The following KALRN variants were observed in gnomAD, a reference collection of about 807,000 sequenced individuals.
KALRN encodes kalirin.
A neutral mutation model predicts 353.7 loss-of-function variants in KALRN; 70 were observed. The observed-to-expected ratio is 0.20, with a 90% confidence interval of 0.16 to 0.24. The LOEUF (loss-of-function observed/expected upper bound fraction) is 0.24. KALRN is among the 10% of genes least tolerant of loss of function. KALRN has a pLI of 1.00. For synonymous variants in KALRN, 1,391 were observed against 1,434.8 expected, an observed-to-expected ratio of 0.97 and a Z score of 0.69; for missense variants, 2,791 against 3,756.7, an observed-to-expected ratio of 0.74 and a Z score of 6.72.
rs915036326 is a variant in KALRN at position 124,514,296 on chromosome 3, C to G, written c.4935+17883C>G. The stretch of plus-strand genomic sequence containing the variant: ...AAAGTCCCTGCCAAGGACAGAATCC[C>G]CCACCCCATCTAATGGAAGAGATAC... On this transcript the variant is annotated intron_variant, in intron 33 of 59. Transcript: ENST00000682506. Among the ~76,000 whole-genome samples, 3 of 152,194 alleles carry G rather than the reference C, an allele frequency of 2.0e-5. No individual in the cohort carries two copies. In the East Asian group the frequency reaches 5.8e-4, roughly 29 times the overall value.
At chr3:124,227,421 A>G (rs1002844613) in intron 1 of KALRN, among the ~76,000 whole-genome samples, 4 of 152,160 alleles carry the variant, frequency 2.6e-5, no homozygotes, top group African/African-American at 2.4e-5. Context: ...CTTTGCTTCC[A>G]TCTGTAGGAG....
intron 1 of KALRN, among the ~76,000 whole-genome samples, chr3:124,150,949 A>C (rs2068016109): frequency 6.6e-6 from 1 of 152,220 alleles, no homozygotes; most frequent in African/African-American, 2.4e-5. Context: ...AACTTGGTAT[A>C]TGTAGAATCC....
At chr3:124,409,524 A>C (rs1183512810) in intron 13 of KALRN, among the ~76,000 whole-genome samples, 1 of 152,164 alleles carries the variant, frequency 6.6e-6, no homozygotes, top group Non-Finnish European at 1.5e-5. Context: ...ATTGGGAGGA[A>C]GGACAAGGGC....
chr3:124,505,831 T>C lies in KALRN; in HGVS notation c.4935+9418T>C, dbSNP rs534646748. Reference sequence around the variant, plus strand: ...CATCTGTGGCCATAACATAGAATTCTTGGAAAGATCTTGTTGACCAGACAA... The same window carrying C: ...CATCTGTGGCCATAACATAGAATTCCTGGAAAGATCTTGTTGACCAGACAA... On this transcript the variant is annotated intron_variant, in intron 33 of 59. Coordinates refer to ENST00000682506, the MANE Select transcript of KALRN (RefSeq NM_001388419.1). 8.4e-4 allele frequency among the ~76,000 whole-genome samples: 128 copies of C among 152,338 alleles called. 1 individual carries two copies. The highest frequency in any genetic ancestry group is 2.9e-3 in the African/African-American group (122 of 41,574).
chr3:124,196,398 C>T (rs979927145), intron 1 of KALRN, among the ~76,000 whole-genome samples: 1 of 152,104 alleles, frequency 6.6e-6, no homozygotes, highest in African/African-American at 2.4e-5. Flanking sequence ...GGCTCAGATC[C>T]TGGATCACAG....
chr3:124,406,737 G>A (rs777912451), intron 13 of KALRN, among the ~76,000 whole-genome samples: 4 of 151,920 alleles, frequency 2.6e-5, no homozygotes, highest in Admixed American at 6.6e-5. Context: ...CAGTAATGCC[G>A]TGATCAAGTG....
At position 124,723,234 on chromosome 3, in the gene KALRN, A is replaced by G. The variant is rs901880324; in HGVS notation, c.*3764A>G. On this transcript the variant is annotated 3_prime_UTR_variant, in exon 60 of 60. Coordinates refer to ENST00000682506, the MANE Select transcript of KALRN (RefSeq NM_001388419.1). ...AAGTTCATTGCATTTAGATGTACTG[A>G]TATTGCAGCATTTTTTCTTTACTTT... 3.3e-5 allele frequency: 5 copies of G among 152,220 alleles called. No individual in the cohort carries two copies. Among genetic ancestry groups the G allele is most frequent in the African/African-American group, 9.7e-5 (4 of 41,450 alleles). The allele number at this position is 152,220 out of a possible 1,614,324, so 9.4% of individuals were successfully genotyped here. A position where few individuals can be genotyped will look rare whatever the true frequency, so the allele number is the denominator to read the frequency against.
intron 33 of KALRN, among the ~76,000 whole-genome samples, chr3:124,518,045 G>A (rs544180817): frequency 2.6e-5 from 4 of 152,252 alleles, no homozygotes; most frequent in South Asian, 4.1e-4. Flanking sequence ...GGTCTGGAAC[G>A]TTGGGAAGCC....
In KALRN at chr3:124,272,187, C is replaced by T. The variant is rs550628430; in HGVS notation, c.969+2932C>T. Among the ~76,000 whole-genome samples, 15 of 152,244 alleles carry T rather than the reference C, an allele frequency of 9.9e-5. No individual in the cohort carries two copies. The South Asian group carries it at 2.3e-3, about 23-fold the overall frequency. ...AAATAAAATAAGGAAATAGTTATTA[C>T]GTTTTAAAAATAGCAGCACTATATG... On this transcript the variant is annotated intron_variant, in intron 5 of 59. Transcript: ENST00000682506.
intron 40 of KALRN, 79 bp downstream of exon 40, chr3:124,657,630 G>A: frequency 7.3e-7 from 1 of 1,375,160 alleles, no homozygotes; most frequent in Non-Finnish European, 1.0e-6. Context: ...CTGACTCAAG[G>A]AGTAGGGCTT....
intron 33 of KALRN, among the ~76,000 whole-genome samples, chr3:124,550,925 C>T (rs1369628733): frequency 6.6e-6 from 1 of 152,060 alleles, no homozygotes; most frequent in Non-Finnish European, 1.5e-5. Context: ...GGAGATGGAG[C>T]TTGCAGTGAG....
chr3:124,600,199 G>A (rs1213178282), intron 34 of KALRN, among the ~76,000 whole-genome samples: 2 of 152,204 alleles, frequency 1.3e-5, no homozygotes, highest in Non-Finnish European at 2.9e-5. Context: ...AGCATGGCTG[G>A]GTCCCTTGGA....
chr3:124,235,028 G>C (rs2079582541), intron 3 of KALRN, 85 bp downstream of exon 3: 1 of 913,718 alleles, frequency 1.1e-6, no homozygotes, highest in East Asian at 2.6e-5. Flanking sequence ...ATCCCTGCCA[G>C]GGACCCTAGT....
chr3:124,507,009 T>G (rs1232461952), intron 33 of KALRN, among the ~76,000 whole-genome samples: 2 of 152,232 alleles, frequency 1.3e-5, no homozygotes, highest in African/African-American at 4.8e-5. Context: ...CACCCTCGTT[T>G]CCTGCTTAGA....
intron 1 of KALRN, chr3:124,163,740 C>T (rs1173303859): frequency 1.0e-6 from 1 of 985,290 alleles, no homozygotes; most frequent in Non-Finnish European, 1.2e-6. Flanking sequence ...GTTCTCACTA[C>T]AGGCTTGCTC....
intron 1 of KALRN, among the ~76,000 whole-genome samples, chr3:124,074,778 G>C (rs1577807044): frequency 6.6e-6 from 1 of 152,166 alleles, no homozygotes; most frequent in African/African-American, 2.4e-5. Context: ...GATGGCTTAT[G>C]AACCCCACTT....
chr3:124,474,611 G>C (rs1443327936), intron 25 of KALRN, 52 bp from the exon 26 acceptor site: 4 of 1,435,122 alleles, frequency 2.8e-6, no homozygotes, highest in Non-Finnish European at 3.9e-6. Context: ...GCAATCCTCT[G>C]GGGGGTCAGC....
At chr3:124,409,019 T>A (rs889049962) in intron 13 of KALRN, among the ~76,000 whole-genome samples, 1 of 152,242 alleles carries the variant, frequency 6.6e-6, no homozygotes, top group Non-Finnish European at 1.5e-5. Flanking sequence ...TACCCTTTTT[T>A]AAATTTTATT....
chr3:124,280,652 C>T (rs1204534738), intron 5 of KALRN, among the ~76,000 whole-genome samples: 1 of 151,882 alleles, frequency 6.6e-6, no homozygotes, highest in African/African-American at 2.4e-5. Flanking sequence ...TTTTTGTAGC[C>T]CAAGTTAGTT....
Sources: allele counts gnomAD v4.1 joint callset (sites outside exome capture counted in the v4.1 genomes callset), GRCh38; gene constraint gnomAD v4.1.1; transcripts MANE v1.5; gene names NCBI Gene and HGNC (gene_info 2026-07-23, HGNC 2026-07-21).